The following MGAM variants were observed in gnomAD, a reference collection of about 807,000 sequenced individuals.
The protein encoded by MGAM is maltase-glucoamylase, also known as alpha-1,4-glucosidase.
Under a neutral mutation model 358.8 loss-of-function variants are expected in MGAM, and 253 were observed. The observed-to-expected ratio is 0.71, with a 90% CI of 0.64 to 0.78. The LOEUF is 0.78. Among genes scored for constraint, MGAM ranks in the 30% least tolerant of loss-of-function variants. The probability of loss-of-function intolerance (pLI) is 0.00; values close to 1 mark genes in which losing one functional copy is unlikely to be tolerated. For synonymous variants in MGAM, 1,105 were observed against 1,227.1 expected, an observed-to-expected ratio of 0.90 and a Z score of 2.08; for missense variants, 3,080 against 3,432.6, an observed-to-expected ratio of 0.90 and a Z score of 2.57.
At chr7:142,001,555 C>T (rs898570371) in intron 1 of MGAM, among the ~76,000 whole-genome samples, 5 of 152,270 alleles carry the variant, frequency 3.3e-5, no homozygotes, top group Non-Finnish European at 4.4e-5. Flanking sequence ...GGAAAGCAAG[C>T]ATTGGTGGGT....
At chr7:142,059,714 A>G (rs1811916457) in intron 32 of MGAM, 114 bp downstream of exon 32, 3 of 1,578,372 alleles carry the variant, frequency 1.9e-6, no homozygotes, top group African/African-American at 1.4e-5. Flanking sequence ...GTGCAGTAAG[A>G]AAGGTGTATT....
chr7:142,066,530 A>G, intron 40 of MGAM, 43 bp from the exon 41 acceptor site: 2 of 1,544,950 alleles, frequency 1.3e-6, no homozygotes, highest in Non-Finnish European at 1.8e-6. Context: ...ATCCCCTAGA[A>G]ATTCCAGGGC....
chr7:142,014,496 C>T (rs1439363562), intron 3 of MGAM, among the ~76,000 whole-genome samples: 4 of 151,930 alleles, frequency 2.6e-5, no homozygotes, highest in Non-Finnish European at 5.9e-5. Context: ...AATAATTATT[C>T]ATAAATATTT....
chr7:142,057,683 T>C (rs1027812275), intron 30 of MGAM, among the ~76,000 whole-genome samples: 1 of 151,910 alleles, frequency 6.6e-6, no homozygotes, highest in Non-Finnish European at 1.5e-5. Flanking sequence ...ATGATGACCA[T>C]GGTGGTCGTG....
intron 45 of MGAM, among the ~76,000 whole-genome samples, chr7:142,075,017 G>T (rs1402154404): frequency 6.9e-6 from 1 of 145,978 alleles, no homozygotes. Context: ...ACTTCTGCAG[G>T]CTCTAAGAAC....
At chr7:142,064,546 A>G (rs376568079) in intron 37 of MGAM, 24 bp downstream of exon 37, 91 of 1,562,628 alleles carry the variant, frequency 5.8e-5, no homozygotes, top group Non-Finnish European at 4.9e-5. Context: ...TCCCTTCTCC[A>G]GCTGTCACAA....
At chr7:141,993,289 C>G (rs1398101458), upstream of MGAM, among the ~76,000 whole-genome samples, 7 of 152,222 alleles carry the variant, frequency 4.6e-5, no homozygotes, top group East Asian at 1.3e-3. Context: ...GGTAAAACAG[C>G]AATTGTTTTA....
intron 37 of MGAM, among the ~76,000 whole-genome samples, chr7:142,064,923 C>T (rs989185726): frequency 3.9e-5 from 6 of 152,094 alleles, no homozygotes; most frequent in African/African-American, 1.2e-4. Context: ...TTTGGCCATT[C>T]TTGGTGGAGG....
chr7:142,058,364 T>G lies in MGAM; in HGVS notation c.3819+36T>G, dbSNP rs376272140. 7 of 1,612,242 alleles carry G rather than the reference T, an allele frequency of 4.3e-6. No homozygotes were observed. The African/African-American group carries it at 9.4e-5, about 22-fold the overall frequency. ...AGTCATGGCTCTGGAGTTTCAAAAC[T>G]AACCCAGGTGCCTCTGTGTCTGGGT... On this transcript the variant is annotated intron_variant, in intron 31 of 70. Transcript: ENST00000475668.
upstream of MGAM, among the ~76,000 whole-genome samples, chr7:141,993,271 C>G (rs1454413133): frequency 6.6e-6 from 1 of 152,136 alleles, no homozygotes; most frequent in Non-Finnish European, 1.5e-5. Context: ...ACTTTTTAAA[C>G]TATGTGTGGT....
chr7:142,087,279 A>G (rs1348058333), intron 57 of MGAM, among the ~76,000 whole-genome samples: 1 of 145,760 alleles, frequency 6.9e-6, no homozygotes, highest in Non-Finnish European at 1.6e-5. Context: ...GCCTTACTGT[A>G]AAACTTGCTC....
chr7:142,056,775 G>A lies in MGAM; in HGVS notation c.3581-55G>A, dbSNP rs1233725433. On this transcript the variant is annotated intron_variant, in intron 29 of 70. Transcript: ENST00000475668. ...GATGGAGAATGTGTGGATTTCAGGG[G>A]TGATTCGTGACATGGAAGGTGTCCG... 1.0e-5 allele frequency: 16 copies of A among 1,558,068 alleles called. 1 individual carries two copies. Among genetic ancestry groups the A allele is most frequent in the African/African-American group, 2.7e-5 (2 of 73,742 alleles).
At chr7:142,045,184 T>C (rs1489053469) in intron 21 of MGAM, among the ~76,000 whole-genome samples, 14 of 76,052 alleles carry the variant, frequency 1.8e-4, no homozygotes, top group Non-Finnish European at 2.2e-4. Flanking sequence ...ATATAACATA[T>C]ATGATATATA....
chr7:142,050,227 A>G lies in MGAM; in HGVS notation c.2588-8A>G, dbSNP rs764974441. 1.3e-5 allele frequency: 21 copies of G among 1,613,498 alleles called. No individual in the cohort carries two copies. Among genetic ancestry groups the G allele is most frequent in the Non-Finnish European group, 1.8e-5 (21 of 1,179,636 alleles). Reference sequence around the variant, plus strand: ...CCAGAATCTGACTTGTCTTTCTCTCACTTTCAGATACTGTGGCCAATAAAG... The same window carrying G: ...CCAGAATCTGACTTGTCTTTCTCTCGCTTTCAGATACTGTGGCCAATAAAG... On this transcript the variant is annotated splice_region_variant and splice_polypyrimidine_tract_variant and intron_variant, in intron 22 of 70. Coordinates refer to ENST00000475668, the MANE Select transcript of MGAM (RefSeq NM_001365693.1).
chr7:141,996,488 TTG>T (rs1554448729), intron 1 of MGAM, among the ~76,000 whole-genome samples: 1 of 152,076 alleles, frequency 6.6e-6, no homozygotes, highest in East Asian at 1.9e-4. Context: ...ACCTGTGTGT[TTG>T]TGTGTGTTTC....
intron 57 of MGAM, among the ~76,000 whole-genome samples, chr7:142,089,836 C>T (rs1311977646): frequency 1.4e-5 from 2 of 145,738 alleles, no homozygotes; most frequent in Non-Finnish European, 3.1e-5. Context: ...ACAAAAACTT[C>T]AATTACCTTT....
intron 21 of MGAM, among the ~76,000 whole-genome samples, chr7:142,046,410 A>C (rs1295963183): frequency 2.0e-5 from 3 of 151,806 alleles, no homozygotes; most frequent in African/African-American, 7.3e-5. Context: ...TCATTCCTCC[A>C]GAGATGATTT....
chr7:142,065,953 G>GT (rs1563188364), intron 40 of MGAM, 122 bp downstream of exon 40: 3 of 774,492 alleles, frequency 3.9e-6, no homozygotes, highest in African/African-American at 2.1e-5. Flanking sequence ...GTTTTTTTTT[G>GT]TTTTGTTTTG....
At chr7:142,094,955 T>G (rs554403274) in intron 63 of MGAM, 92 bp downstream of exon 63, 1 of 1,306,028 alleles carries the variant, frequency 7.7e-7, no homozygotes, top group African/African-American at 1.9e-5. Flanking sequence ...TCCTGTGATA[T>G]CTTTAAAATT....
Sources: gnomAD v4.1 joint callset for allele counts (sites outside exome capture counted in the v4.1 genomes callset) on GRCh38, gnomAD v4.1.1 for gene constraint, MANE v1.5 for transcripts, NCBI Gene and HGNC (gene_info 2026-07-23, HGNC 2026-07-21) for gene names.